UNC13C: variants seen among roughly 807,000 people sequenced by gnomAD.
The protein encoded by UNC13C is unc-13 homolog C.
Under a neutral mutation model 245.4 loss-of-function variants are expected in UNC13C, and 174 were observed. The observed-to-expected ratio is 0.71, with a 90% CI of 0.63 to 0.80. The LOEUF (loss-of-function observed/expected upper bound fraction) is 0.80, where lower values mean the gene tolerates loss of function less well. Ranked by LOEUF, UNC13C falls within the 30% of genes least tolerant of loss-of-function variation. UNC13C has a pLI of 0.00. For synonymous variants in UNC13C, 992 were observed against 895.1 expected, an observed-to-expected ratio of 1.11 and a Z score of -1.93; for missense variants, 2,829 against 2,602.9, an observed-to-expected ratio of 1.09 and a Z score of -1.89.
intron 2 of UNC13C, among the ~76,000 whole-genome samples, chr15:54,109,168 A>G (rs1309363012): frequency 1.3e-5 from 2 of 152,138 alleles, no homozygotes; most frequent in East Asian, 3.9e-4. Flanking sequence ...CTAGTGCTTT[A>G]CAAAGCTGAA....
At chr15:54,038,124 A>ATATAAATTTTTTTTTTTTTTTTTTTT in intron 2 of UNC13C, among the ~76,000 whole-genome samples, 1 of 45,040 alleles carries the variant, frequency 2.2e-5, no homozygotes, top group African/African-American at 1.1e-4. Flanking sequence ...ATATATATAT[A>ATATAAATTTTTTTTTTTTTTTTTTTT]TTTTTTTTTT....
chr15:54,361,038 T>G (rs1375161310), intron 17 of UNC13C, among the ~76,000 whole-genome samples: 1 of 152,202 alleles, frequency 6.6e-6, no homozygotes, highest in African/African-American at 2.4e-5. Flanking sequence ...CATTATTTGC[T>G]TAAATATGCT....
At chr15:54,071,831 G>C (rs150608747) in intron 2 of UNC13C, among the ~76,000 whole-genome samples, 1 of 152,260 alleles carries the variant, frequency 6.6e-6, no homozygotes, top group Non-Finnish European at 1.5e-5. Flanking sequence ...GTTCCTCAAA[G>C]CCTAAAGTAT....
chr15:54,451,225 T>C (rs1358123613), intron 19 of UNC13C, among the ~76,000 whole-genome samples: 1 of 152,176 alleles, frequency 6.6e-6, no homozygotes, highest in African/African-American at 2.4e-5. Flanking sequence ...AGTTTTTGCT[T>C]GTCAGGGAAA....
chr15:54,624,865 T>C (rs1901036359), intron 32 of UNC13C, among the ~76,000 whole-genome samples: 1 of 151,830 alleles, frequency 6.6e-6, no homozygotes, highest in Admixed American at 6.6e-5. Context: ...TACAAAGTGG[T>C]TAAGAGTAGA....
At chr15:54,166,461 TATTC>T (rs71436271) in intron 4 of UNC13C, among the ~76,000 whole-genome samples, 24,011 of 152,046 alleles carry the variant, frequency 0.16, 2,274 homozygotes, top group South Asian at 0.26. Flanking sequence ...ATTTCTGAAC[TATTC>T]ATTTTCTGTA....
At chr15:54,264,560 A>T (rs976009145) in intron 9 of UNC13C, among the ~76,000 whole-genome samples, 165 bp downstream of exon 9, 9 of 150,410 alleles carry the variant, frequency 6.0e-5, no homozygotes, top group African/African-American at 2.2e-4. Context: ...TACATACTAG[A>T]TAAGTGAAAT....
the UNC13C span, among the ~76,000 whole-genome samples, chr15:53,897,016 G>C: frequency 1.3e-5 from 2 of 151,756 alleles, no homozygotes; most frequent in East Asian, 3.9e-4. Context: ...CTTTAAGACT[G>C]TGGAAATCAC....
intron 7 of UNC13C, among the ~76,000 whole-genome samples, chr15:54,246,153 T>G (rs2035984751): frequency 6.6e-6 from 1 of 152,018 alleles, no homozygotes; most frequent in South Asian, 2.1e-4. Context: ...TTCATTTCCT[T>G]CCAGTGTCCT....
chr15:54,297,807 T>A lies in UNC13C; in HGVS notation c.3989-4T>A, dbSNP rs2037475888. 1 of 1,593,666 alleles carries A rather than the reference T, an allele frequency of 6.3e-7. No homozygotes were observed. Among genetic ancestry groups the A allele is most frequent in the African/African-American group, 1.3e-5 (1 of 74,640 alleles). On this transcript the variant is annotated splice_polypyrimidine_tract_variant and splice_region_variant and intron_variant, in intron 11 of 32. Coordinates refer to ENST00000260323, the MANE Select transcript of UNC13C (RefSeq NM_001080534.3). ...ACTGACCAATTGCCTTTTTGCTTTA[T>A]CAGAGAAAAGGACAGATAAGTCAGC... is the stretch of plus-strand genomic sequence containing the variant.
rs115620787 is a variant in UNC13C, at chr15:54,027,820, A to G, written c.2983+11934A>G. On this transcript the variant is annotated intron_variant, in intron 2 of 32. Transcript: ENST00000260323. ...TTTTTTCTGGCTTTTCAGCATCTGA[A>G]TTCCTTTCTTATTGGTGTCTCCTTA... 4.1e-3 allele frequency among the ~76,000 whole-genome samples: 614 copies of G among 150,694 alleles called. 5 individuals are homozygous for G. The highest frequency in any genetic ancestry group is 0.015 in the African/African-American group (600 of 40,996).
chr15:54,433,675 A>G (rs1355606413), intron 19 of UNC13C, among the ~76,000 whole-genome samples: 1 of 152,106 alleles, frequency 6.6e-6, no homozygotes, highest in African/African-American at 2.4e-5. Flanking sequence ...AACTGGCACA[A>G]GGCAAGAAGG....
At chr15:54,276,637 T>C (rs915560839) in intron 10 of UNC13C, among the ~76,000 whole-genome samples, 4 of 152,124 alleles carry the variant, frequency 2.6e-5, no homozygotes, top group African/African-American at 9.7e-5. Flanking sequence ...AGTTCCTTAA[T>C]GGGCTAGTTA....
At chr15:53,993,948 G>A (rs111226157) in intron 1 of UNC13C, among the ~76,000 whole-genome samples, 2,154 of 152,012 alleles carry the variant, frequency 0.014, 19 homozygotes, top group Non-Finnish European at 0.021. Flanking sequence ...TTGTGAGAAG[G>A]AGCTTTTGAT....
In UNC13C at chr15:54,627,001, A is replaced by G. The variant is rs764798743; in HGVS notation, c.6533A>G (p.Asp2178Gly). 62 of 1,613,352 alleles carry G rather than the reference A, an allele frequency of 3.8e-5. No homozygotes were observed. Among genetic ancestry groups the G allele is most frequent in the African/African-American group, 1.1e-4 (8 of 74,880 alleles). Residue 2178 changes from aspartate (D) to glycine (G), a missense_variant, in exon 33 of 33, where the codon GAT (aspartate) becomes GGT (glycine). Coordinates refer to ENST00000260323, the MANE Select transcript of UNC13C (RefSeq NM_001080534.3). The stretch of plus-strand genomic sequence containing the variant: ...CCTCTTCTGAAAAATATCTCTATGG[A>G]TGAAACTGGTTTGACTATCCTTAGA... ...WYPLLKNISM[D>G]ETGLTILRIL...
chr15:54,114,569 A>G (rs1301331937), intron 2 of UNC13C, among the ~76,000 whole-genome samples: 1 of 152,182 alleles, frequency 6.6e-6, no homozygotes, highest in Non-Finnish European at 1.5e-5. Flanking sequence ...CTATATAAAC[A>G]TAGCAAAACT....
chr15:54,248,753 C>A (rs979752884), intron 7 of UNC13C, among the ~76,000 whole-genome samples: 1 of 152,124 alleles, frequency 6.6e-6, no homozygotes, highest in Non-Finnish European at 1.5e-5. Context: ...GATTGTCCAG[C>A]CCCTTATCTA....
intron 2 of UNC13C, among the ~76,000 whole-genome samples, chr15:54,076,104 T>C (rs1898603779): frequency 1.4e-5 from 2 of 143,220 alleles, no homozygotes; most frequent in African/African-American, 2.6e-5. Flanking sequence ...TATTCATATA[T>C]ATATATATTT....
chr15:54,609,180 G>C (rs973773820), intron 30 of UNC13C, among the ~76,000 whole-genome samples: 6 of 152,028 alleles, frequency 3.9e-5, no homozygotes, highest in African/African-American at 1.5e-4. Context: ...GCTTTTTACT[G>C]CTGCTGCTTG....
Sources: gnomAD v4.1 joint callset for allele counts (sites outside exome capture counted in the v4.1 genomes callset) on GRCh38, gnomAD v4.1.1 for gene constraint, MANE v1.5 for transcripts, NCBI Gene and HGNC (gene_info 2026-07-23, HGNC 2026-07-21) for gene names.